Variants in MYT1L observed in about 807,000 individuals in gnomAD.
MYT1L encodes the protein myelin transcription factor 1 like.
In MYT1L, 12 loss-of-function variants were observed where a neutral mutation model predicts 126.7. That is an observed-to-expected ratio of 0.09 (90% CI 0.06 to 0.15). The LOEUF (loss-of-function observed/expected upper bound fraction) is 0.15. Among genes scored for constraint, MYT1L ranks in the 10% least tolerant of loss-of-function variants. The probability of loss-of-function intolerance (pLI) is 1.00; values close to 1 mark genes in which losing one functional copy is unlikely to be tolerated. For missense variants in MYT1L, 979 were observed against 1,585.2 expected (o/e 0.62, Z 6.49); for synonymous variants, 541 against 604.2 (o/e 0.90, Z 1.53).
intron 21 of MYT1L, among the ~76,000 whole-genome samples, chr2:1,822,438 G>C (rs1217029782): frequency 6.6e-6 from 1 of 152,200 alleles, no homozygotes; most frequent in Non-Finnish European, 1.5e-5. Context: ...TGTGGGTTGG[G>C]TCTGTTTCCT....
Position 1,889,346 on chromosome 2 carries a change from G to A in MYT1L, c.2415C>T (p.Asn805=). 1.9e-6 allele frequency: 3 copies of A among 1,613,976 alleles called. No individual in the cohort carries two copies. Among genetic ancestry groups the A allele is most frequent in the Non-Finnish European group, 2.5e-6 (3 of 1,179,896 alleles). ...PMSPQQQAVM[N]NRCFQLGEGD... is the part of the protein sequence containing the mutation. Reference sequence around the variant, plus strand: ...CCTCGCCCAGCTGGAAACACCGGTTGTTCATCACTGCCTGCTGCTGGGGGG... The same window carrying A: ...CCTCGCCCAGCTGGAAACACCGGTTATTCATCACTGCCTGCTGCTGGGGGG... Residue 805 remains asparagine (N), a synonymous_variant, in exon 16 of 25, where the codon AAC becomes AAT. Coordinates refer to ENST00000647738, the MANE Select transcript of MYT1L (RefSeq NM_001303052.2). This position sits in a 1 kb window ranked among gnomAD's most constrained non-coding sequence, Gnocchi z 4.1.
At chr2:2,275,366 A>T (rs1413830368) in intron 2 of MYT1L, among the ~76,000 whole-genome samples, 2 of 152,028 alleles carry the variant, frequency 1.3e-5, no homozygotes, top group Non-Finnish European at 2.9e-5. Flanking sequence ...GATGAAGCTA[A>T]TACCTTAAAA....
chr2:1,826,246 G>A (rs1401265290), intron 21 of MYT1L: 3 of 152,336 alleles, frequency 2.0e-5, no homozygotes, highest in African/African-American at 4.8e-5. Flanking sequence ...CAAACTAGAA[G>A]ACCGGCACGG....
rs191196255 is a variant in MYT1L at position 2,199,491 on chromosome 2, A to G, written c.-420-26503T>C. On this transcript the variant is annotated intron_variant, in intron 2 of 24. Coordinates refer to ENST00000647738, the MANE Select transcript of MYT1L (RefSeq NM_001303052.2). ...GTCACACTCTCCTTCCCCCGAGTCA[A>G]TGGGAGAGGGAGGAGCCACAGGAGA... Among the ~76,000 whole-genome samples, 271 of 152,258 alleles carry G rather than the reference A, an allele frequency of 1.8e-3. 1 individual carries two copies. Among genetic ancestry groups the G allele is most frequent in the African/African-American group, 5.8e-3 (241 of 41,564 alleles).
chr2:1,939,465 C>T (rs1057340124), intron 9 of MYT1L, among the ~76,000 whole-genome samples: 3 of 152,282 alleles, frequency 2.0e-5, no homozygotes, highest in African/African-American at 7.2e-5. Context: ...TGGTAGGCAC[C>T]GTATGGAATC....
At chr2:1,906,159 A>G (rs1276391191) in intron 13 of MYT1L, among the ~76,000 whole-genome samples, 1 of 152,200 alleles carries the variant, frequency 6.6e-6, no homozygotes, top group East Asian at 1.9e-4. Context: ...TAGAGACAAA[A>G]ACTTTTAAGG....
rs2053789981 is a variant in MYT1L at position 1,923,199 on chromosome 2, A to G, written c.570T>C (p.Asn190=). The G allele has an allele frequency of 6.2e-7, 1 of 1,613,414 alleles. No homozygotes were observed. The highest frequency in any genetic ancestry group is 1.7e-5 in the Admixed American group (1 of 59,936). The change falls in exon 10 of 25, where the codon AAT becomes AAC. Residue 190 remains asparagine, a synonymous_variant. Coordinates refer to ENST00000647738, the MANE Select transcript of MYT1L (RefSeq NM_001303052.2). ...IMQDTEKDDN[N]NDEYDNYDEL... is the part of the protein sequence containing the mutation. ...CATCGTAATTGTCATATTCGTCATT[A>G]TTGTTATCATCCTTTTCTGTGTCTT...
intron 13 of MYT1L, among the ~76,000 whole-genome samples, chr2:1,907,613 T>G (rs1287700443): frequency 1.3e-5 from 2 of 152,246 alleles, no homozygotes; most frequent in East Asian, 1.9e-4. Context: ...GCTGCAAGTC[T>G]GGGACTGGGA....
At chr2:2,315,451 A>G (rs1200204852) in intron 1 of MYT1L, among the ~76,000 whole-genome samples, 3 of 152,276 alleles carry the variant, frequency 2.0e-5, no homozygotes, top group African/African-American at 7.2e-5. Flanking sequence ...TCTTTAATGA[A>G]TATGTTTACT....
At chr2:2,231,558 C>T (rs758650199) in intron 2 of MYT1L, among the ~76,000 whole-genome samples, 1 of 152,104 alleles carries the variant, frequency 6.6e-6, no homozygotes, top group Non-Finnish European at 1.5e-5. Context: ...AGCAATCCTC[C>T]CACCTCAGCC....
intron 2 of MYT1L, among the ~76,000 whole-genome samples, chr2:2,251,882 AAG>A (rs1457467660): frequency 6.6e-6 from 1 of 151,960 alleles, no homozygotes. Context: ...AGGAGAAAGA[AAG>A]AAGAACGAAA....
chr2:2,109,452 G>A (rs2079116835), intron 3 of MYT1L, among the ~76,000 whole-genome samples: 1 of 152,032 alleles, frequency 6.6e-6, no homozygotes, highest in Admixed American at 6.6e-5. Flanking sequence ...CCAGGAAAGG[G>A]ATGGAATGTC....
chr2:1,978,961 C>T (rs2060386116), intron 8 of MYT1L, among the ~76,000 whole-genome samples: 1 of 152,028 alleles, frequency 6.6e-6, no homozygotes, highest in African/African-American at 2.4e-5. Context: ...AGGAGTGTCA[C>T]CTATTCTGCC....
At chr2:2,279,267 C>T (rs972635196) in intron 2 of MYT1L, among the ~76,000 whole-genome samples, 7 of 152,164 alleles carry the variant, frequency 4.6e-5, no homozygotes, top group Non-Finnish European at 7.3e-5. Flanking sequence ...ATAGTATCTA[C>T]TTTTCCTATA....
intron 22 of MYT1L, among the ~76,000 whole-genome samples, chr2:1,808,644 A>G (rs1324387048): frequency 1.3e-5 from 2 of 152,160 alleles, no homozygotes; most frequent in Non-Finnish European, 2.9e-5. Context: ...GGTGGAATCA[A>G]GAAAATCAGG....
At chr2:1,821,905 G>A (rs1230330086) in intron 21 of MYT1L, among the ~76,000 whole-genome samples, 1 of 152,202 alleles carries the variant, frequency 6.6e-6, no homozygotes, top group Non-Finnish European at 1.5e-5. Flanking sequence ...TAGCTCCAGA[G>A]CTTCTGTTCT....
intron 18 of MYT1L, among the ~76,000 whole-genome samples, chr2:1,882,516 A>C (rs1318072660): frequency 6.6e-6 from 1 of 152,236 alleles, no homozygotes; most frequent in African/African-American, 2.4e-5. Flanking sequence ...AAAAGAGCTG[A>C]ATTTACACAG....
At chr2:2,003,845 C>T (rs1353137574) in intron 4 of MYT1L, among the ~76,000 whole-genome samples, 1 of 152,132 alleles carries the variant, frequency 6.6e-6, no homozygotes, top group Non-Finnish European at 1.5e-5. Context: ...GCTTCAGGCA[C>T]CCTCACTCCA....
chr2:2,274,150 G>T (rs1322007080), intron 2 of MYT1L, among the ~76,000 whole-genome samples: 1 of 152,086 alleles, frequency 6.6e-6, no homozygotes, highest in Non-Finnish European at 1.5e-5. Flanking sequence ...GAATTGTAAT[G>T]TTCCCAACAC....
Sources: gnomAD v4.1 joint callset for allele counts (sites outside exome capture counted in the v4.1 genomes callset) on GRCh38, gnomAD v4.1.1 for gene constraint, Gnocchi (gnomAD v3.1) non-coding constraint, MANE v1.5 for transcripts, NCBI Gene and HGNC (gene_info 2026-07-23, HGNC 2026-07-21) for gene names.